The following MUC5B variants were observed in gnomAD, a reference collection of about 807,000 sequenced individuals.
MUC5B encodes the protein mucin 5B, oligomeric mucus/gel-forming.
Under a neutral mutation model 376.9 loss-of-function variants are expected in MUC5B, and 116 were observed. The ratio of observed to expected loss-of-function variants is 0.31; its 90% CI spans 0.26 to 0.36. The LOEUF is 0.36. Among genes scored for constraint, MUC5B ranks in the 10% least tolerant of loss-of-function variants. The pLI is 1.00. For synonymous variants in MUC5B, 3,517 were observed against 3,390.9 expected (o/e 1.04, Z -1.29); for missense variants, 7,165 against 7,769.9 (o/e 0.92, Z 2.93).
In MUC5B at chr11:1,225,754, G is replaced by A. The variant is rs766068884; in HGVS notation, c.127+17G>A. 47 of 1,599,064 alleles carry A rather than the reference G, an allele frequency of 2.9e-5. No individual in the cohort carries two copies. In the East Asian group the frequency reaches 3.2e-4, roughly 11 times the overall value. ...TGGATGGCGGTATGTGGCCAGGTTC[G>A]GGGGTGGGGGGTTCCTGACCAGGCT... On this transcript the variant is annotated intron_variant, in intron 2 of 48. Transcript: ENST00000529681.
In MUC5B at chr11:1,258,878, G is replaced by A; in HGVS notation, c.16594-64G>A. 1 of 1,542,436 alleles carries A rather than the reference G, an allele frequency of 6.5e-7. No homozygotes were observed. Among genetic ancestry groups the A allele is most frequent in the South Asian group, 1.2e-5 (1 of 83,574 alleles). ...CTCCCTGCAGGCCCCATTGGGTCAT[G>A]GGGAGGGGTCCTGGCCCTGTTGCCC... On this transcript the variant is annotated intron_variant, in intron 43 of 48. Coordinates refer to ENST00000529681, the MANE Select transcript of MUC5B (RefSeq NM_002458.3). This position sits in a 1 kb window ranked among gnomAD's most constrained non-coding sequence, Gnocchi z 5.5.
In MUC5B at chr11:1,230,569, C is replaced by T. The variant is rs113225784; in HGVS notation, c.1439C>T (p.Ala480Val). 214 of 1,611,082 alleles carry T rather than the reference C, an allele frequency of 1.3e-4. No individual in the cohort carries two copies. Among genetic ancestry groups the T allele is most frequent in the Middle Eastern group, 4.9e-4 (3 of 6,070 alleles). ...GLTDNENCLK[A>V]VTLSLDGGDT... ...ACGGACAACGAGAACTGCCTGAAAG[C>T]GGTGACGCTCAGCCTGGACGGCGGG... The change falls in exon 12 of 49, where the codon GCG becomes GTG. Residue 480 changes from alanine (A) to valine (V), a missense_variant. By Grantham distance (64) the Ala-to-Val change is moderately conservative. Transcript: ENST00000529681.
At chr11:1,252,739 G>A in intron 32 of MUC5B, 70 bp from the exon 33 acceptor site, 3 of 1,515,844 alleles carry the variant, frequency 2.0e-6, no homozygotes, top group Non-Finnish European at 1.8e-6. Context: ...TGGGCCATGA[G>A]GGGTGGGATG....
Position 1,240,532 on chromosome 11 carries a change from G to A in MUC5B, c.3970+157G>A, listed in dbSNP as rs56057363. On this transcript the variant is annotated intron_variant, in intron 30 of 48. Transcript: ENST00000529681. ...GGTGCACGGCCCCTCAACACCCTGCGTGTCTCCAGGGGCTCCCCACGAAGC... is the reference window on the plus strand; with the variant it reads ...GGTGCACGGCCCCTCAACACCCTGCATGTCTCCAGGGGCTCCCCACGAAGC... 1.6e-3 allele frequency among the ~76,000 whole-genome samples: 245 copies of A among 152,286 alleles called. 1 individual carries two copies. The highest frequency in any genetic ancestry group is 2.7e-3 in the Admixed American group (42 of 15,304).
rs374163618 is a variant in MUC5B at position 1,246,485 on chromosome 11, C to T, written c.9605C>T (p.Thr3202Ile). ...TLKVLTSTAT[T>I]PTVISSRATP... Reference sequence around the variant, plus strand: ...AAAGTGCTGACCAGCACGGCCACCACACCCACAGTCATCAGCTCCAGAGCC... The same window carrying T: ...AAAGTGCTGACCAGCACGGCCACCATACCCACAGTCATCAGCTCCAGAGCC... Residue 3202 changes from threonine to isoleucine, a missense_variant, in exon 31 of 49, where the codon ACA (threonine) becomes ATA (isoleucine). Thr to Ile is a moderately conservative substitution (Grantham distance 89). Transcript: ENST00000529681. The T allele has an allele frequency of 6.2e-7, 1 of 1,613,488 alleles. No homozygotes were observed. Among genetic ancestry groups the T allele is most frequent in the South Asian group, 1.1e-5 (1 of 91,056 alleles).
chr11:1,252,760 GGGTCCCGTGAGCT>G (rs1405554599), intron 32 of MUC5B, 36 bp from the exon 33 acceptor site: 1 of 1,547,652 alleles, frequency 6.5e-7, no homozygotes, highest in South Asian at 1.2e-5. Context: ...AGCCGTGGAT[GGGTCCCGTGAGCT>G]GGTCCAGGTG....
Position 1,226,863 on chromosome 11 carries a change from A to C in MUC5B, c.448A>C (p.Ile150Leu), listed in dbSNP as rs775976650. The C allele has an allele frequency of 1.2e-6, 2 of 1,605,840 alleles. No individual in the cohort carries two copies. The highest frequency in any genetic ancestry group is 2.7e-5 in the African/African-American group (2 of 74,726). The change falls in exon 4 of 49, where the codon ATC (isoleucine) becomes CTC (leucine). Residue 150 changes from isoleucine (I) to leucine (L), a missense_variant. Ile to Leu is a conservative substitution (Grantham distance 5, BLOSUM62 2). This residue lies in a region of MUC5B where 640 missense variants were observed against 733.0 expected (regional missense o/e 0.87). Transcript: ENST00000529681. ...VLEASNGSVLINGQREELPYS... is the reference protein window; with the variant it reads ...VLEASNGSVLLNGQREELPYS... ...GGAGGCGTCCAACGGCTCCGTCCTC[A>C]TCAATGGGCAGCGGTGAGCCGGCCA...
In MUC5B at chr11:1,242,684, C is replaced by G. The variant is rs761854624; in HGVS notation, c.5804C>G (p.Pro1935Arg). 6.2e-7 allele frequency: 1 copy of G among 1,613,766 alleles called. No homozygotes were observed. The highest frequency in any genetic ancestry group is 1.7e-5 in the Admixed American group (1 of 59,998). ...ACCTCCACCCTGAGAACAGCTCCCC[C>G]TCCCAAAGTGCTGACCACCACGGCC... Reference protein sequence around the residue: ...TPTSTLRTAPPPKVLTTTATT... With the variant: ...TPTSTLRTAPRPKVLTTTATT... Residue 1935 changes from proline to arginine, a missense_variant, in exon 31 of 49, where the codon CCT becomes CGT. By Grantham distance (103) the Pro-to-Arg change is moderately radical. Around this residue, in one of 31 missense-constraint regions of MUC5B, gnomAD observed 897 missense variants for 779.6 expected, o/e 1.15. Transcript: ENST00000529681.
chr11:1,258,905 A>C lies in MUC5B; in HGVS notation c.16594-37A>C. On this transcript the variant is annotated intron_variant, in intron 43 of 48. Coordinates refer to ENST00000529681, the MANE Select transcript of MUC5B (RefSeq NM_002458.3). This position sits in a 1 kb window ranked among gnomAD's most constrained non-coding sequence, Gnocchi z 5.5. ...GGAGGGGTCCTGGCCCTGTTGCCCC[A>C]CCAGTGCCCTCAGTGCCACCCTCCC... is the stretch of plus-strand genomic sequence containing the variant. 1 of 1,548,708 alleles carries C rather than the reference A, an allele frequency of 6.5e-7. No homozygotes were observed. The highest frequency in any genetic ancestry group is 8.7e-7 in the Non-Finnish European group (1 of 1,146,404).
intron 24 of MUC5B, 116 bp downstream of exon 24, chr11:1,236,678 G>T: frequency 8.2e-7 from 1 of 1,215,904 alleles, no homozygotes. Flanking sequence ...AGCCTGGCTG[G>T]TGAGGGCCCT....
In MUC5B at chr11:1,238,988, G is replaced by T; in HGVS notation, c.3415G>T (p.Ala1139Ser). 2 of 1,571,254 alleles carry T rather than the reference G, an allele frequency of 1.3e-6. No individual in the cohort carries two copies. Among genetic ancestry groups the T allele is most frequent in the South Asian group, 2.3e-5 (2 of 85,700 alleles). Reference sequence around the variant, plus strand: ...TGCCTACGCCCAGGCCTGCCACGACGCGGGCCTGTGTGTGTCCTGGCGGAC... The same window carrying T: ...TGCCTACGCCCAGGCCTGCCACGACTCGGGCCTGTGTGTGTCCTGGCGGAC... ...VAAYAQACHD[A>S]GLCVSWRTPD... Residue 1139 changes from alanine to serine, a missense_variant, in exon 26 of 49, where the codon GCG becomes TCG. This residue lies in a region of MUC5B where 143 missense variants were observed against 193.2 expected (regional missense o/e 0.74). Transcript: ENST00000529681.
At position 1,234,459 on chromosome 11, in the gene MUC5B, TC is replaced by T; in HGVS notation, c.2479-67del. ...CCCTGGGTGCTGCTGGGTGCGCCTG[TC>T]CCAGAGGGTGAGTGACATCTGCCCA... On this transcript the variant is annotated intron_variant, in intron 20 of 48. Transcript: ENST00000529681. The surrounding 1 kb of genome is among the most constrained non-coding windows in gnomAD (Gnocchi z 6.3). The T allele has an allele frequency of 6.5e-7, 1 of 1,536,154 alleles. No homozygotes were observed. The highest frequency in any genetic ancestry group is 8.8e-7 in the Non-Finnish European group (1 of 1,138,060).
chr11:1,228,852 C>T, intron 8 of MUC5B, 87 bp downstream of exon 8: 1 of 1,072,836 alleles, frequency 9.3e-7, no homozygotes, highest in South Asian at 1.7e-5. Flanking sequence ...GGTGGGGAGG[C>T]CTGGGGGACA....
chr11:1,229,427 A>G, intron 9 of MUC5B, 132 bp downstream of exon 9: 3 of 1,154,598 alleles, frequency 2.6e-6, no homozygotes, highest in Non-Finnish European at 3.6e-6. Flanking sequence ...CAGGGTGGGA[A>G]GGGCACTGGC....
rs530317164 is a variant in MUC5B at position 1,261,775 on chromosome 11, G to A, written c.*167G>A. ...CGTGGGTGAAACCGGCCCCAGAAGG[G>A]TGAGGGGCCAGCAGGACCCCTTTCG... On this transcript the variant is annotated 3_prime_UTR_variant, in exon 49 of 49. Transcript: ENST00000529681. The A allele has an allele frequency of 5.4e-6, 4 of 747,576 alleles. No homozygotes were observed. In the South Asian group the frequency reaches 5.9e-5, roughly 11 times the overall value. 46.3% of individuals were successfully genotyped at this position (747,576 alleles called of 1,614,324 possible).
chr11:1,223,407 G>T (rs893954227), intron 1 of MUC5B: 1 of 675,356 alleles, frequency 1.5e-6, no homozygotes, highest in Non-Finnish European at 2.7e-6. Flanking sequence ...GCTTGGATGG[G>T]GTGTCCAGGA....
At chr11:1,233,692 A>G in intron 18 of MUC5B, 101 bp from the exon 19 acceptor site, 1 of 1,190,010 alleles carries the variant, frequency 8.4e-7, no homozygotes, top group Non-Finnish European at 1.2e-6. Context: ...GGAGGTGGCC[A>G]GGCTGGGGAG....
chr11:1,260,793 G>A, intron 48 of MUC5B, 65 bp downstream of exon 48: 2 of 1,259,260 alleles, frequency 1.6e-6, no homozygotes, highest in Non-Finnish European at 1.1e-6. Flanking sequence ...TGGCCCGTCA[G>A]CTGGCTGGCA....
Position 1,228,618 on chromosome 11 carries a change from C to G in MUC5B, c.829C>G (p.Leu277Val), listed in dbSNP as rs1265076435. Residue 277 changes from leucine to valine, a missense_variant, in exon 8 of 49, where the codon CTG becomes GTG. This residue lies in a region of MUC5B where 640 missense variants were observed against 733.0 expected (regional missense o/e 0.87). Transcript: ENST00000529681. Reference sequence around the variant, plus strand: ...GCCGGCCTTTGCGGAGTGCCACGCACTGGTGGACAGCACTGCGTACCTGGC... The same window carrying G: ...GCCGGCCTTTGCGGAGTGCCACGCAGTGGTGGACAGCACTGCGTACCTGGC... ...LGPAFAECHA[L>V]VDSTAYLAAC... 7 of 1,533,780 alleles carry G rather than the reference C, an allele frequency of 4.6e-6. No individual in the cohort carries two copies. The highest frequency in any genetic ancestry group is 2.3e-4 in the Middle Eastern group (1 of 4,382).
Sources: gnomAD v4.1 joint callset for allele counts (sites outside exome capture counted in the v4.1 genomes callset) on GRCh38, gnomAD v4.1.1 for gene constraint, gnomAD v4.1.1 regional missense constraint, Gnocchi (gnomAD v3.1) non-coding constraint, MANE v1.5 for transcripts, NCBI Gene and HGNC (gene_info 2026-07-23, HGNC 2026-07-21) for gene names.